Variants in SEMA5A observed in about 807,000 individuals in gnomAD.
The protein encoded by SEMA5A is semaphorin-5A.
SEMA5A carries 55 observed loss-of-function variants against 135.5 expected under a neutral mutation model. That is an observed-to-expected ratio of 0.41 (90% confidence interval 0.33 to 0.51). The LOEUF (loss-of-function observed/expected upper bound fraction) is 0.51. Ranked by LOEUF, SEMA5A falls within the 20% of genes least tolerant of loss-of-function variation. The pLI, the probability that SEMA5A is intolerant of heterozygous loss-of-function variation, is 0.37. For missense variants in SEMA5A, 1,290 were observed against 1,419.9 expected, an observed-to-expected ratio of 0.91 and a Z score of 1.47; for synonymous variants, 580 against 546.5, an observed-to-expected ratio of 1.06 and a Z score of -0.85.
chr5:9,360,222 A>G (rs1022753447), intron 3 of SEMA5A, among the ~76,000 whole-genome samples: 3 of 152,310 alleles, frequency 2.0e-5, no homozygotes, highest in African/African-American at 7.2e-5. Context: ...GTATGCACAC[A>G]CCTGCAGAGA....
At chr5:9,197,511 T>C (rs906145531) in intron 9 of SEMA5A, among the ~76,000 whole-genome samples, 4 of 152,172 alleles carry the variant, frequency 2.6e-5, no homozygotes, top group African/African-American at 9.7e-5. Context: ...CCAGGCTAGT[T>C]AGCATTTAAC....
At chr5:9,083,995 A>G (rs1191293697) in intron 16 of SEMA5A, among the ~76,000 whole-genome samples, 1 of 152,212 alleles carries the variant, frequency 6.6e-6, no homozygotes, top group Non-Finnish European at 1.5e-5. Flanking sequence ...AATTCTGCCT[A>G]AATTATCCAT....
chr5:9,339,801 T>A (rs780992316), intron 3 of SEMA5A, among the ~76,000 whole-genome samples: 1 of 152,168 alleles, frequency 6.6e-6, no homozygotes, highest in Admixed American at 6.5e-5. Context: ...TTTGAGCAGA[T>A]GTCTTTGGAA....
rs1284491904 is a variant in SEMA5A, at chr5:9,136,573, C to T, written c.1530G>A (p.Met510Ile). The T allele has an allele frequency of 6.2e-7, 1 of 1,614,162 alleles. No homozygotes were observed. Residue 510 changes from methionine (M) to isoleucine (I), a missense_variant, in exon 13 of 23, where the codon ATG (methionine) becomes ATA (isoleucine). Met to Ile is a conservative substitution (Grantham distance 10). Transcript: ENST00000382496. ...TCTCCTCCAGGCTTGTGCATTTCTT[C>T]ATTACCACATCCCAGCCACAGTAAG... ...QDPYCGWDVV[M>I]KKCTSLEESL...
At chr5:9,119,839 G>C (rs1314816119) in intron 14 of SEMA5A, among the ~76,000 whole-genome samples, 3 of 152,102 alleles carry the variant, frequency 2.0e-5, no homozygotes, top group African/African-American at 7.2e-5. Context: ...CAAATAAGAA[G>C]TGCAAATTGC....
intron 1 of SEMA5A, among the ~76,000 whole-genome samples, chr5:9,524,413 G>A (rs765032809): frequency 6.6e-6 from 1 of 152,130 alleles, no homozygotes; most frequent in African/African-American, 2.4e-5. Flanking sequence ...GACACACAGG[G>A]AGCACTCCAC....
At chr5:9,438,985 G>A (rs1758134309) in intron 1 of SEMA5A, among the ~76,000 whole-genome samples, 1 of 152,218 alleles carries the variant, frequency 6.6e-6, no homozygotes, top group Non-Finnish European at 1.5e-5. Flanking sequence ...CTCTCTATGA[G>A]TCTCCCTTCC....
intron 3 of SEMA5A, among the ~76,000 whole-genome samples, chr5:9,344,974 G>T (rs1015153211): frequency 1.3e-5 from 2 of 152,090 alleles, no homozygotes; most frequent in African/African-American, 2.4e-5. Flanking sequence ...AGGTCCTAAG[G>T]TTCCTTTGCT....
At chr5:9,078,123 C>T (rs1738169803) in intron 16 of SEMA5A, among the ~76,000 whole-genome samples, 1 of 152,172 alleles carries the variant, frequency 6.6e-6, no homozygotes. Context: ...AATTCTCACT[C>T]TCTGAGAGCA....
chr5:9,425,363 C>T (rs1234533661), intron 2 of SEMA5A, among the ~76,000 whole-genome samples: 1 of 152,212 alleles, frequency 6.6e-6, no homozygotes, highest in East Asian at 1.9e-4. Context: ...GAGGCTCACA[C>T]ACTACATGTG....
chr5:9,178,626 G>T (rs764416183), intron 11 of SEMA5A, among the ~76,000 whole-genome samples: 1 of 152,120 alleles, frequency 6.6e-6, no homozygotes, highest in Non-Finnish European at 1.5e-5. Context: ...ACCGCGCCCA[G>T]CCAGATAAGC....
At chr5:9,300,323 C>A (rs753167983) in intron 5 of SEMA5A, among the ~76,000 whole-genome samples, 16 of 82,168 alleles carry the variant, frequency 1.9e-4, no homozygotes, top group East Asian at 1.2e-3. Context: ...CCACTGCGCC[C>A]GGCCATTTCT....
chr5:9,483,091 T>C (rs986308687), intron 1 of SEMA5A, among the ~76,000 whole-genome samples: 1 of 152,210 alleles, frequency 6.6e-6, no homozygotes, highest in African/African-American at 2.4e-5. Context: ...ACTTTAGTTT[T>C]GAAGAAATTT....
chr5:9,283,098 A>T (rs1348034521), intron 5 of SEMA5A, among the ~76,000 whole-genome samples: 1 of 152,188 alleles, frequency 6.6e-6, no homozygotes, highest in Admixed American at 6.5e-5. Context: ...GTATAGGATA[A>T]TTTGTTGCAG....
At chr5:9,497,831 C>T (rs59470656) in intron 1 of SEMA5A, among the ~76,000 whole-genome samples, 1,573 of 152,296 alleles carry the variant, frequency 0.01, 24 homozygotes, top group African/African-American at 0.036. Flanking sequence ...CTGCACATTT[C>T]CCGTTAGTCC....
At chr5:9,131,947 G>C (rs2127415) in intron 13 of SEMA5A, among the ~76,000 whole-genome samples, 2 of 152,250 alleles carry the variant, frequency 1.3e-5, no homozygotes, top group Non-Finnish European at 2.9e-5. Flanking sequence ...AGATTCCTAA[G>C]ACTATGCTAC....
intron 1 of SEMA5A, among the ~76,000 whole-genome samples, chr5:9,484,391 T>C (rs1397952433): frequency 7.2e-5 from 11 of 152,180 alleles, no homozygotes; most frequent in Admixed American, 6.5e-4. Context: ...CGGTTGTTAT[T>C]TAGTGTATCA....
rs748119770 is a variant in SEMA5A at position 9,108,164 on chromosome 5, C to A, written c.2049G>T (p.Gly683=). 1.2e-6 allele frequency: 2 copies of A among 1,614,030 alleles called. No homozygotes were observed. The highest frequency in any genetic ancestry group is 3.3e-5 in the Admixed American group (2 of 60,008). Residue 683 remains glycine (G), a synonymous_variant, in exon 16 of 23, where the codon GGG becomes GGT. Transcript: ENST00000382496. ...IQARRRICEN[G]PDCAGCNVEY... ...CCACATTGCAGCCTGCACAGTCAGG[C>A]CCATTCTCACAGATCCTGCGGCGAG...
intron 1 of SEMA5A, among the ~76,000 whole-genome samples, chr5:9,539,027 G>T (rs762307307): frequency 3.3e-5 from 5 of 152,178 alleles, no homozygotes; most frequent in Non-Finnish European, 7.4e-5. Flanking sequence ...TTTAGTACAT[G>T]TACAGAGTTG....
Sources: allele counts gnomAD v4.1 joint callset (sites outside exome capture counted in the v4.1 genomes callset), GRCh38; gene constraint gnomAD v4.1.1; transcripts MANE v1.5; gene names NCBI Gene and HGNC (gene_info 2026-07-23, HGNC 2026-07-21).